Variants in FIRRM observed in about 807,000 individuals in gnomAD.
FIRRM encodes FIGNL1-interacting regulator of recombination and mitosis.
chr1:169,817,747 GTA>G, the FIRRM span, among the ~76,000 whole-genome samples: 6 of 152,188 alleles, frequency 3.9e-5, no homozygotes, highest in East Asian at 1.2e-3. Flanking sequence ...ATTTTAATCA[GTA>G]TAAAATTTAA....
the FIRRM span, chr1:169,793,533 A>C: frequency 1.7e-5 from 27 of 1,614,136 alleles, no homozygotes; most frequent in Non-Finnish European, 2.0e-5. Flanking sequence ...TCCTGAGGCA[A>C]GTCAAATTGT....
At chr1:169,787,507 A>G in the FIRRM span, among the ~76,000 whole-genome samples, 1 of 152,140 alleles carries the variant, frequency 6.6e-6, no homozygotes, top group Non-Finnish European at 1.5e-5. Context: ...GCTTCCTCTT[A>G]GTATTTTTTC....
At chr1:169,827,047 C>G in the FIRRM span, 2 of 1,608,910 alleles carry the variant, frequency 1.2e-6, no homozygotes, top group Non-Finnish European at 1.7e-6. Context: ...CTCTCCCTTC[C>G]CAGCAAGTTT....
the FIRRM span, chr1:169,851,997 A>G: frequency 5.0e-6 from 8 of 1,610,530 alleles, no homozygotes; most frequent in Admixed American, 1.7e-5. Flanking sequence ...CTTTTTACTT[A>G]CTGACGAAAC....
chr1:169,792,919 T>C, the FIRRM span: 1 of 1,614,142 alleles, frequency 6.2e-7, no homozygotes, highest in Non-Finnish European at 8.5e-7. Flanking sequence ...ATTTATATAG[T>C]TGTGTTACTT....
chr1:169,795,553 G>A, the FIRRM span: 26 of 1,061,240 alleles, frequency 2.4e-5, no homozygotes, highest in Non-Finnish European at 2.9e-5. Flanking sequence ...TGGATAATGG[G>A]GGAGGCAAGG....
the FIRRM span, chr1:169,853,640 G>C: frequency 1.3e-6 from 2 of 1,531,544 alleles, no homozygotes; most frequent in Non-Finnish European, 9.0e-7. Flanking sequence ...TTGTCCCAAA[G>C]CCTGCTTTTG....
At chr1:169,848,878 A>C in the FIRRM span, among the ~76,000 whole-genome samples, 1 of 152,250 alleles carries the variant, frequency 6.6e-6, no homozygotes, top group Non-Finnish European at 1.5e-5. Context: ...ATTCATCAGA[A>C]CATAGGAGGC....
At chr1:169,844,899 T>C in the FIRRM span, among the ~76,000 whole-genome samples, 1 of 152,206 alleles carries the variant, frequency 6.6e-6, no homozygotes, top group African/African-American at 2.4e-5. Context: ...ATTATGGCCT[T>C]CTGTCTAAAT....
chr1:169,793,850 AT>A, the FIRRM span: 1 of 556,594 alleles, frequency 1.8e-6, no homozygotes, highest in African/African-American at 2.0e-5. Context: ...ATTTAGAGAT[AT>A]TTCCAAATGA....
chr1:169,826,976 A>G, the FIRRM span: 2 of 1,262,040 alleles, frequency 1.6e-6, no homozygotes, highest in Non-Finnish European at 2.2e-6. Flanking sequence ...CCAGAACATC[A>G]GTTTATAGTA....
At chr1:169,846,354 C>T in the FIRRM span, among the ~76,000 whole-genome samples, 4 of 152,286 alleles carry the variant, frequency 2.6e-5, no homozygotes, top group African/African-American at 9.6e-5. Context: ...GCTTCAACTT[C>T]AGCAGCTGCA....
chr1:169,850,150 C>G, the FIRRM span: 1 of 650,558 alleles, frequency 1.5e-6, no homozygotes, highest in Non-Finnish European at 2.7e-6. Context: ...TGAGGATCCT[C>G]TGGGACTCTT....
At chr1:169,850,463 C>T in the FIRRM span, 84 of 693,578 alleles carry the variant, frequency 1.2e-4, no homozygotes, top group African/African-American at 4.0e-4. Flanking sequence ...GTGCTGAGCA[C>T]AGTGCTGACG....
chr1:169,814,855 G>A, the FIRRM span, among the ~76,000 whole-genome samples: 1 of 152,116 alleles, frequency 6.6e-6, no homozygotes, highest in Admixed American at 6.5e-5. Context: ...GACCACATGG[G>A]GGTTGGCACC....
the FIRRM span, chr1:169,827,926 G>A: frequency 3.9e-6 from 5 of 1,290,472 alleles, no homozygotes; most frequent in Non-Finnish European, 5.3e-6. Context: ...AAGTTTGTGT[G>A]TTTTTTTTTT....
At chr1:169,843,571 C>G in the FIRRM span, 1 of 688,060 alleles carries the variant, frequency 1.5e-6, no homozygotes, top group South Asian at 1.8e-5. Context: ...ATATAAAATA[C>G]TTAACATATT....
the FIRRM span, among the ~76,000 whole-genome samples, chr1:169,811,482 C>T: frequency 6.6e-6 from 1 of 151,914 alleles, no homozygotes; most frequent in African/African-American, 2.4e-5. Context: ...AGGGAGACCC[C>T]CATCTCTACA....
chr1:169,805,098 C>A, the FIRRM span, among the ~76,000 whole-genome samples: 1 of 152,224 alleles, frequency 6.6e-6, no homozygotes, highest in African/African-American at 2.4e-5. Context: ...AGTTTGCATT[C>A]AAAACTTTGG....
Sources: allele counts gnomAD v4.1 joint callset (sites outside exome capture counted in the v4.1 genomes callset), GRCh38; gene constraint gnomAD v4.1.1; transcripts MANE v1.5; gene names NCBI Gene and HGNC (gene_info 2026-07-23, HGNC 2026-07-21).